TMEM272: variants seen among roughly 807,000 people sequenced by gnomAD.
TMEM272 encodes transmembrane protein 272.
In TMEM272, 8 loss-of-function variants were observed where a neutral mutation model predicts 3.7. The ratio of observed to expected loss-of-function variants is 2.17; its 90% CI spans 1.27 to 3.91. The LOEUF (loss-of-function observed/expected upper bound fraction) is 3.91, where lower values mean the gene tolerates loss of function less well. TMEM272 is among the 30% of genes most tolerant of loss of function. TMEM272 has a pLI of 0.00. For synonymous variants in TMEM272, 63 were observed against 39.8 expected (o/e 1.58, Z -2.20); for missense variants, 166 against 91.5 (o/e 1.81, Z -3.32).
the TMEM272 span, among the ~76,000 whole-genome samples, chr13:51,867,639 T>A: frequency 2.0e-5 from 3 of 151,898 alleles, no homozygotes; most frequent in Non-Finnish European, 4.4e-5. Flanking sequence ...AATGGAAAAA[T>A]TGGCGCTGGG....
At chr13:51,900,973 C>T in the TMEM272 span, among the ~76,000 whole-genome samples, 902 of 152,218 alleles carry the variant, frequency 5.9e-3, 7 homozygotes, top group Non-Finnish European at 7.8e-3. Context: ...AGGCATGACT[C>T]CTAATGAGTA....
chr13:51,889,201 G>A, the TMEM272 span, among the ~76,000 whole-genome samples: 1 of 152,136 alleles, frequency 6.6e-6, no homozygotes, highest in Non-Finnish European at 1.5e-5. Context: ...AATTTTAATA[G>A]ATATTGCCAA....
At chr13:51,918,061 C>T in the TMEM272 span, among the ~76,000 whole-genome samples, 2 of 152,224 alleles carry the variant, frequency 1.3e-5, no homozygotes, top group Non-Finnish European at 2.9e-5. Flanking sequence ...CTCTCTCCAT[C>T]CTAAAAATAT....
chr13:51,865,127 G>C, the TMEM272 span, among the ~76,000 whole-genome samples: 1 of 152,186 alleles, frequency 6.6e-6, no homozygotes, highest in Non-Finnish European at 1.5e-5. Context: ...GTTTTTAGCA[G>C]CCTTGAGCTT....
chr13:51,887,975 C>A, the TMEM272 span, among the ~76,000 whole-genome samples: 1 of 152,156 alleles, frequency 6.6e-6, no homozygotes, highest in Non-Finnish European at 1.5e-5. Flanking sequence ...AACATATACA[C>A]ACCTATATAA....
chr13:51,855,292 A>G, the TMEM272 span, among the ~76,000 whole-genome samples: 1 of 152,218 alleles, frequency 6.6e-6, no homozygotes, highest in African/African-American at 2.4e-5. Flanking sequence ...AATTATCTCA[A>G]TTCCCAACTG....
At chr13:51,844,443 A>G in intron 1 of TMEM272, among the ~76,000 whole-genome samples, 1 of 152,208 alleles carries the variant, frequency 6.6e-6, no homozygotes, top group East Asian at 1.9e-4. Context: ...TCGGGTGCTC[A>G]GGACACAGTC....
At chr13:51,917,351 AC>A in the TMEM272 span, among the ~76,000 whole-genome samples, 4 of 152,160 alleles carry the variant, frequency 2.6e-5, no homozygotes, top group African/African-American at 9.7e-5. Flanking sequence ...GAGTTTGAGC[AC>A]CCAGAGAGGG....
At chr13:51,900,395 C>T in the TMEM272 span, among the ~76,000 whole-genome samples, 3 of 152,136 alleles carry the variant, frequency 2.0e-5, no homozygotes, top group Admixed American at 1.3e-4. Flanking sequence ...CACTAATCAT[C>T]AAGGAAATAC....
At chr13:51,883,072 T>C in the TMEM272 span, among the ~76,000 whole-genome samples, 1 of 152,192 alleles carries the variant, frequency 6.6e-6, no homozygotes, top group Non-Finnish European at 1.5e-5. Context: ...CCTGAAAACT[T>C]GGAGATGCCA....
the TMEM272 span, among the ~76,000 whole-genome samples, chr13:51,886,823 T>C: frequency 6.6e-6 from 1 of 152,214 alleles, no homozygotes; most frequent in Non-Finnish European, 1.5e-5. Context: ...TAAACAATGC[T>C]GAGACCAAGT....
the TMEM272 span, among the ~76,000 whole-genome samples, chr13:51,889,326 G>A: frequency 6.6e-6 from 1 of 152,096 alleles, no homozygotes; most frequent in East Asian, 1.9e-4. Flanking sequence ...ATCCTCTAAA[G>A]TGACTATATT....
chr13:51,925,407 A>C, the TMEM272 span, among the ~76,000 whole-genome samples: 1 of 152,208 alleles, frequency 6.6e-6, no homozygotes, highest in Non-Finnish European at 1.5e-5. Context: ...ACAAACAAGG[A>C]AGTGATTCTT....
At chr13:51,910,802 G>A in the TMEM272 span, among the ~76,000 whole-genome samples, 1 of 152,256 alleles carries the variant, frequency 6.6e-6, no homozygotes, top group African/African-American at 2.4e-5. Context: ...GGCCTGACAG[G>A]CCCACGCTGC....
chr13:51,830,408 C>G (rs1956163343), intron 2 of TMEM272, among the ~76,000 whole-genome samples: 1 of 152,200 alleles, frequency 6.6e-6, no homozygotes, highest in African/African-American at 2.4e-5. Flanking sequence ...GAGTCACAGC[C>G]CACTCCGCTC....
At chr13:51,834,345 C>T (rs964537739) in intron 2 of TMEM272, among the ~76,000 whole-genome samples, 14 of 152,080 alleles carry the variant, frequency 9.2e-5, no homozygotes, top group Admixed American at 2.6e-4. Flanking sequence ...CACACCCTGC[C>T]CCAGACCCCC....
the TMEM272 span, among the ~76,000 whole-genome samples, chr13:51,875,332 T>C: frequency 2.6e-5 from 4 of 152,182 alleles, no homozygotes; most frequent in African/African-American, 9.7e-5. Context: ...ATTTTTTTTT[T>C]CAACCAAGTT....
At chr13:51,888,565 A>G in the TMEM272 span, among the ~76,000 whole-genome samples, 2 of 151,562 alleles carry the variant, frequency 1.3e-5, no homozygotes, top group Middle Eastern at 3.5e-3. Context: ...CTTTTCTCAC[A>G]TGACAGCATT....
intron 4 of TMEM272, among the ~76,000 whole-genome samples, 178 bp from the exon 5 acceptor site, chr13:51,817,291 T>G (rs1251410619): frequency 6.6e-6 from 1 of 152,160 alleles, no homozygotes; most frequent in Non-Finnish European, 1.5e-5. Context: ...GCAACGAAAT[T>G]TAATTTGAAG....
Sources: gnomAD v4.1 joint callset for allele counts (sites outside exome capture counted in the v4.1 genomes callset) on GRCh38, gnomAD v4.1.1 for gene constraint, MANE v1.5 for transcripts, NCBI Gene and HGNC (gene_info 2026-07-23, HGNC 2026-07-21) for gene names.